Variants in MECOM observed in about 807,000 individuals in gnomAD.
The protein encoded by MECOM is MDS1 and EVI1 complex locus.
In MECOM, 13 loss-of-function variants were observed where a neutral mutation model predicts 116.3. The ratio of observed to expected loss-of-function variants is 0.11; its 90% confidence interval spans 0.07 to 0.18. The LOEUF (loss-of-function observed/expected upper bound fraction) is 0.18. MECOM is among the 10% of genes least tolerant of loss of function. The pLI is 1.00. For synonymous variants in MECOM, 528 were observed against 535.2 expected, an observed-to-expected ratio of 0.99 and a Z score of 0.19; for missense variants, 1,299 against 1,509.0, an observed-to-expected ratio of 0.86 and a Z score of 2.31.
chr3:169,314,658 G>A (rs1380512825), intron 2 of MECOM, among the ~76,000 whole-genome samples: 1 of 151,896 alleles, frequency 6.6e-6, no homozygotes, highest in African/African-American at 2.4e-5. Context: ...AAAGGGAAAA[G>A]AAAGAAGAGA....
intron 1 of MECOM, among the ~76,000 whole-genome samples, chr3:169,606,199 A>G (rs958066876): frequency 2.4e-4 from 37 of 152,056 alleles, no homozygotes; most frequent in African/African-American, 8.7e-4. Flanking sequence ...ATCATCTGAG[A>G]TCAGGAGTTC....
intron 2 of MECOM, among the ~76,000 whole-genome samples, chr3:169,293,340 C>A (rs930007410): frequency 6.6e-6 from 1 of 152,234 alleles, no homozygotes; most frequent in Non-Finnish European, 1.5e-5. Flanking sequence ...TCACCATGGC[C>A]TTTGAGGCCC....
At chr3:169,286,027 T>C (rs1448525195) in intron 2 of MECOM, among the ~76,000 whole-genome samples, 1 of 152,214 alleles carries the variant, frequency 6.6e-6, no homozygotes, top group African/African-American at 2.4e-5. Context: ...AAACATGCAT[T>C]CGCTGTGAAA....
intron 1 of MECOM, among the ~76,000 whole-genome samples, chr3:169,637,094 T>A (rs184094214): frequency 1.2e-4 from 19 of 152,246 alleles, no homozygotes; most frequent in African/African-American, 4.3e-4. Context: ...CCTTGCAGCT[T>A]AGAATGCTCC....
rs1751797594 is a variant in MECOM, at chr3:169,484,145, C to A, written c.38-102621G>T. On this transcript the variant is annotated intron_variant, in intron 1 of 16. Transcript: ENST00000651503. Reference sequence around the variant, plus strand: ...AAACAAAAAGTGATTCTTTTTATCTCACAATTCAACATTTTGCTTTGCCCA... The same window carrying A: ...AAACAAAAAGTGATTCTTTTTATCTAACAATTCAACATTTTGCTTTGCCCA... The A allele has an allele frequency of 1.7e-5, 12 of 700,180 alleles. No individual in the cohort carries two copies. The South Asian group carries it at 1.9e-4, about 11-fold the overall frequency. The allele number at this position is 700,180 out of a possible 1,614,324, so 43.4% of individuals were successfully genotyped here. A position where few individuals can be genotyped will look rare whatever the true frequency, so the allele number is the denominator to read the frequency against.
At chr3:169,429,454 T>G (rs1044314427) in intron 1 of MECOM, among the ~76,000 whole-genome samples, 4 of 152,224 alleles carry the variant, frequency 2.6e-5, no homozygotes, top group African/African-American at 9.6e-5. Flanking sequence ...TGTATCTATC[T>G]TATTCTCCAT....
chr3:169,646,299 G>A (rs1774172736), intron 1 of MECOM, among the ~76,000 whole-genome samples: 1 of 128,320 alleles, frequency 7.8e-6, no homozygotes, highest in African/African-American at 2.9e-5. Context: ...CACACACCGG[G>A]GCCTGTCATG....
chr3:169,470,905 A>T (rs1273394957), intron 1 of MECOM, among the ~76,000 whole-genome samples: 2 of 152,164 alleles, frequency 1.3e-5, no homozygotes. Flanking sequence ...AATAAGGCAC[A>T]CTTTTAAATG....
intron 2 of MECOM, among the ~76,000 whole-genome samples, chr3:169,154,921 T>C (rs1741722356): frequency 6.6e-6 from 1 of 152,154 alleles, no homozygotes; most frequent in Admixed American, 6.6e-5. Flanking sequence ...GACCTTTCCA[T>C]CCTTCAACCC....
intron 1 of MECOM, among the ~76,000 whole-genome samples, chr3:169,506,584 A>T (rs537494639): frequency 2.0e-3 from 297 of 152,128 alleles, no homozygotes; most frequent in Non-Finnish European, 3.0e-3. Flanking sequence ...TGATTTACCT[A>T]TCTTTAAAAA....
intron 2 of MECOM, among the ~76,000 whole-genome samples, chr3:169,335,465 G>C (rs1421905489): frequency 6.6e-6 from 1 of 152,104 alleles, no homozygotes; most frequent in Non-Finnish European, 1.5e-5. Flanking sequence ...AAAAATTGAG[G>C]TGAGCTCAGC....
rs1399036285 is a variant in MECOM, at chr3:169,485,973, CA to C, written c.38-104450del. 5.1e-3 allele frequency among the ~76,000 whole-genome samples: 273 copies of C among 53,864 alleles called. 16 individuals carry two copies. Among genetic ancestry groups the C allele is most frequent in the African/African-American group, 0.018 (252 of 14,184 alleles). 35.3% of individuals were successfully genotyped at this position (53,864 alleles called of 152,430 possible). A position where few individuals can be genotyped will look rare whatever the true frequency, so the allele number is the denominator to read the frequency against. On this transcript the variant is annotated intron_variant, in intron 1 of 16. Coordinates refer to ENST00000651503, the MANE Select transcript of MECOM (RefSeq NM_004991.4). ...TATATGTACATATATACTATATATA[CA>C]TATATATATAGTATATATATGTATA...
At position 169,093,518 on chromosome 3, in the gene MECOM, T is replaced by A. The variant is rs35980608; in HGVS notation, c.3020-416A>T. Among the ~76,000 whole-genome samples the A allele has an allele frequency of 1.5e-3, 232 of 152,342 alleles. 1 individual carries two copies. The highest frequency in any genetic ancestry group is 3.5e-3 in the Admixed American group (54 of 15,300). On this transcript the variant is annotated intron_variant, in intron 13 of 16. Coordinates refer to ENST00000651503, the MANE Select transcript of MECOM (RefSeq NM_004991.4). ...TGCCTTTTTATTTATTTATTTATTTTTTGGCTACTATGCTAAAGCATATAA... is the reference window on the plus strand; with the variant it reads ...TGCCTTTTTATTTATTTATTTATTTATTGGCTACTATGCTAAAGCATATAA...
chr3:169,536,272 G>A (rs1202869016), intron 1 of MECOM, among the ~76,000 whole-genome samples: 1 of 149,832 alleles, frequency 6.7e-6, no homozygotes. Flanking sequence ...CAGCAAAATA[G>A]TATTATTTTA....
chr3:169,523,248 G>C (rs1190954964), intron 1 of MECOM, among the ~76,000 whole-genome samples: 1 of 152,108 alleles, frequency 6.6e-6, no homozygotes, highest in African/African-American at 2.4e-5. Flanking sequence ...GACAATAAAG[G>C]GTCTTGGGAA....
chr3:169,270,533 CTG>C, intron 2 of MECOM, among the ~76,000 whole-genome samples: 1 of 152,120 alleles, frequency 6.6e-6, no homozygotes, highest in East Asian at 1.9e-4. Context: ...GCTTTGAAAA[CTG>C]TTATAACCCT....
intron 2 of MECOM, among the ~76,000 whole-genome samples, chr3:169,157,543 C>T (rs1407610662): frequency 6.6e-6 from 1 of 152,094 alleles, no homozygotes; most frequent in African/African-American, 2.4e-5. Context: ...ATTCCAATAG[C>T]AATTAAAGTA....
intron 1 of MECOM, among the ~76,000 whole-genome samples, chr3:169,488,571 A>G (rs1752689049): frequency 6.6e-6 from 1 of 151,878 alleles, no homozygotes; most frequent in Non-Finnish European, 1.5e-5. Flanking sequence ...AATAAAAGTA[A>G]TAAAAACACT....
intron 1 of MECOM, among the ~76,000 whole-genome samples, chr3:169,660,797 A>G (rs998961635): frequency 6.6e-6 from 1 of 152,200 alleles, no homozygotes; most frequent in Admixed American, 6.5e-5. Flanking sequence ...TTAAAATACA[A>G]AAATCTGTAG....
Sources: gnomAD v4.1 joint callset for allele counts (sites outside exome capture counted in the v4.1 genomes callset) on GRCh38, gnomAD v4.1.1 for gene constraint, MANE v1.5 for transcripts, NCBI Gene and HGNC (gene_info 2026-07-23, HGNC 2026-07-21) for gene names.